The following TATDN3 variants were observed in gnomAD, a reference collection of about 807,000 sequenced individuals.
TATDN3 encodes TatD DNase domain containing 3.
Under a neutral mutation model 40.1 loss-of-function variants are expected in TATDN3, and 29 were observed. That is an observed-to-expected ratio of 0.72 (90% CI 0.54 to 0.99). The LOEUF (loss-of-function observed/expected upper bound fraction) is 0.99, where lower values mean the gene tolerates loss of function less well. TATDN3 is among the 50% of genes least tolerant of loss of function. The probability of loss-of-function intolerance (pLI) is 0.00; values close to 1 mark genes in which losing one functional copy is unlikely to be tolerated. For synonymous variants in TATDN3, 105 were observed against 117.0 expected, an observed-to-expected ratio of 0.90 and a Z score of 0.66; for missense variants, 309 against 321.9, an observed-to-expected ratio of 0.96 and a Z score of 0.31.
In TATDN3 at chr1:212,816,346, T is replaced by C. The variant is rs184984979; in HGVS notation, c.*1190T>C. ...TAAATAAATAAAAATCTCAAAAAAA[T>C]TAAAAATCTCAAGTGTAAAAACAGT... On this transcript the variant is annotated 3_prime_UTR_variant, in exon 10 of 10. Coordinates refer to ENST00000366974, the MANE Select transcript of TATDN3 (RefSeq NM_001042552.3). The C allele has an allele frequency of 6.6e-6, 1 of 152,086 alleles. No homozygotes were observed. Among genetic ancestry groups the C allele is most frequent in the Non-Finnish European group, 1.5e-5 (1 of 68,014 alleles). 9.4% of individuals were successfully genotyped at this position (152,086 alleles called of 1,614,324 possible). A position where few individuals can be genotyped will look rare whatever the true frequency, so the allele number is the denominator to read the frequency against.
intron 1 of TATDN3, chr1:212,794,586 A>T (rs1454398398): frequency 2.9e-6 from 1 of 342,684 alleles, no homozygotes. Context: ...GTGAAACTTC[A>T]TCTCAAAAAA....
intron 7 of TATDN3, 39 bp from the exon 8 acceptor site, chr1:212,807,697 C>A: frequency 6.9e-7 from 1 of 1,445,736 alleles, no homozygotes; most frequent in Non-Finnish European, 9.5e-7. Context: ...ATTGATGGGA[C>A]ATAAAATGGA....
intron 2 of TATDN3, 103 bp from the exon 3 acceptor site, chr1:212,796,414 T>C: frequency 2.3e-6 from 2 of 855,742 alleles, no homozygotes; most frequent in South Asian, 4.9e-5. Flanking sequence ...TGATGAAGCA[T>C]GGCTGAACAA....
chr1:212,793,815 G>A (rs1255840256), intron 1 of TATDN3, among the ~76,000 whole-genome samples: 1 of 152,144 alleles, frequency 6.6e-6, no homozygotes, highest in Non-Finnish European at 1.5e-5. Context: ...CTGAGATAAG[G>A]GAAGACCAAG....
At chr1:212,807,713 G>A (rs892297779) in intron 7 of TATDN3, 23 bp from the exon 8 acceptor site, 2 of 1,556,590 alleles carry the variant, frequency 1.3e-6, no homozygotes, top group Admixed American at 2.0e-5. Context: ...ATGGAATACT[G>A]CCTTATCTTT....
At chr1:212,797,087 T>G (rs1481659153) in intron 3 of TATDN3, 25 bp from the exon 4 acceptor site, 1 of 1,583,846 alleles carries the variant, frequency 6.3e-7, no homozygotes, top group Non-Finnish European at 8.7e-7. Flanking sequence ...TGTTCCTGCT[T>G]TCTCAGTTGG....
At chr1:212,792,089 C>A in intron 1 of TATDN3, 102 bp downstream of exon 1, 1 of 1,157,300 alleles carries the variant, frequency 8.6e-7, no homozygotes, top group Non-Finnish European at 1.3e-6. Flanking sequence ...CCCATATCCC[C>A]CGCCCAGACC....
At chr1:212,792,503 C>T (rs1158265006) in intron 1 of TATDN3, among the ~76,000 whole-genome samples, 1 of 144,618 alleles carries the variant, frequency 6.9e-6, no homozygotes, top group African/African-American at 2.6e-5. Context: ...GTGATTGTGG[C>T]GTTTGCCTGT....
intron 1 of TATDN3, among the ~76,000 whole-genome samples, chr1:212,793,540 G>A (rs981282111): frequency 4.6e-5 from 7 of 152,166 alleles, no homozygotes; most frequent in African/African-American, 1.7e-4. Context: ...TTTTGCTGCT[G>A]TATGGCAAAT....
At position 212,815,090 on chromosome 1, in the gene TATDN3, T is replaced by C. The variant is rs1422247377; in HGVS notation, c.759T>C (p.Val253=). ...TGAAAGGGATCTCAGTGGAAGAAGTTATAGAAGTGACGACACAGAATGCAT... is the reference window on the plus strand; with the variant it reads ...TGAAAGGGATCTCAGTGGAAGAAGTCATAGAAGTGACGACACAGAATGCAT... ...AQVKGISVEE[V]IEVTTQNALK... is the part of the protein sequence containing the mutation. Residue 253 remains valine (V), a synonymous_variant, in exon 10 of 10, where the codon GTT becomes GTC. Coordinates refer to ENST00000366974, the MANE Select transcript of TATDN3 (RefSeq NM_001042552.3). 6.2e-7 allele frequency: 1 copy of C among 1,614,134 alleles called. No individual in the cohort carries two copies. The highest frequency in any genetic ancestry group is 1.7e-5 in the Admixed American group (1 of 60,008).
chr1:212,811,795 C>T (rs1176495198), intron 8 of TATDN3, among the ~76,000 whole-genome samples: 4 of 151,896 alleles, frequency 2.6e-5, no homozygotes, highest in African/African-American at 4.8e-5. Context: ...CTCCACCTCC[C>T]GGGTTCAAGT....
chr1:212,806,747 C>CTATAT (rs1558083475), intron 7 of TATDN3, among the ~76,000 whole-genome samples: 1 of 43,988 alleles, frequency 2.3e-5, no homozygotes, highest in Non-Finnish European at 4.4e-5. Flanking sequence ...TCTCTCTCTC[C>CTATAT]ATATATATAT....
At chr1:212,810,651 C>A (rs1022758989) in intron 8 of TATDN3, among the ~76,000 whole-genome samples, 15 of 152,166 alleles carry the variant, frequency 9.9e-5, no homozygotes, top group East Asian at 1.9e-4. Context: ...CGTGCCACTC[C>A]ACTCCAACAT....
Position 212,807,055 on chromosome 1 carries a change from TGCCTCA to T in TATDN3, c.488-675_488-670del, listed in dbSNP as rs1436970699. Among the ~76,000 whole-genome samples, 4 of 151,342 alleles carry T rather than the reference TGCCTCA, an allele frequency of 2.6e-5. No individual in the cohort carries two copies. The Admixed American group carries it at 2.7e-4, about 10-fold the overall frequency. On this transcript the variant is annotated intron_variant, in intron 7 of 9. Transcript: ENST00000366974. Reference sequence around the variant, plus strand: ...GCCTCCCAGGTTCAAGTGACTCTCCTGCCTCAGCCTCCCAAGTAGCTGGGATTACAG... The same window carrying T: ...GCCTCCCAGGTTCAAGTGACTCTCCTGCCTCCCAAGTAGCTGGGATTACAG...
Position 212,804,355 on chromosome 1 carries a change from T to C in TATDN3, c.357T>C (p.Thr119=). 1 of 1,614,100 alleles carries C rather than the reference T, an allele frequency of 6.2e-7. No homozygotes were observed. The highest frequency in any genetic ancestry group is 8.5e-7 in the Non-Finnish European group (1 of 1,179,996). The change falls in exon 6 of 10, where the codon ACT becomes ACC. Residue 119 remains threonine (T), a synonymous_variant. Coordinates refer to ENST00000366974, the MANE Select transcript of TATDN3 (RefSeq NM_001042552.3). ...ATTTCTCCCCCAGATTTGCTGGCAC[T>C]GGTGAACAGAAGGAAGAGCAAAGAC... ...GLDFSPRFAG[T]GEQKEEQRQV... is the part of the protein sequence containing the mutation.
At chr1:212,794,757 G>A (rs746916026) in intron 1 of TATDN3, 29 of 489,032 alleles carry the variant, frequency 5.9e-5, no homozygotes, top group Middle Eastern at 6.2e-4. Context: ...TGAGAGAGTG[G>A]TATTGCAGAA....
intron 9 of TATDN3, among the ~76,000 whole-genome samples, chr1:212,814,052 T>C (rs763902913): frequency 6.6e-5 from 10 of 151,856 alleles, no homozygotes; most frequent in Non-Finnish European, 8.8e-5. Flanking sequence ...ACTCCTAAGC[T>C]CAAGTGATCC....
At chr1:212,805,890 CAT>C (rs927838295) in intron 7 of TATDN3, among the ~76,000 whole-genome samples, 19 of 151,600 alleles carry the variant, frequency 1.3e-4, no homozygotes, top group African/African-American at 3.9e-4. Flanking sequence ...AAGCAATCCA[CAT>C]ATGTGTGTGT....
chr1:212,802,302 C>A (rs917891488), intron 4 of TATDN3, among the ~76,000 whole-genome samples: 3 of 152,184 alleles, frequency 2.0e-5, no homozygotes, highest in Non-Finnish European at 4.4e-5. Context: ...ACCAACCAGA[C>A]GAATTCTAAG....
Sources: gnomAD v4.1 joint callset for allele counts (sites outside exome capture counted in the v4.1 genomes callset) on GRCh38, gnomAD v4.1.1 for gene constraint, MANE v1.5 for transcripts, NCBI Gene and HGNC (gene_info 2026-07-23, HGNC 2026-07-21) for gene names.